The following NRG1 variants were observed in gnomAD, a reference collection of about 807,000 sequenced individuals.
NRG1 encodes pro-neuregulin-1, membrane-bound isoform.
Under a neutral mutation model 63.8 loss-of-function variants are expected in NRG1, and 18 were observed. The observed-to-expected ratio is 0.28, with a 90% CI of 0.19 to 0.42. The LOEUF is 0.42. NRG1 is among the 10% of genes least tolerant of loss of function. The probability of loss-of-function intolerance (pLI) is 1.00; values close to 1 mark genes in which losing one functional copy is unlikely to be tolerated. For missense variants in NRG1, 762 were observed against 814.7 expected, an observed-to-expected ratio of 0.94 and a Z score of 0.79; for synonymous variants, 302 against 301.3, an observed-to-expected ratio of 1.00 and a Z score of -0.02.
chr8:32,266,993 G>A (rs962651689), intron 1 of NRG1, among the ~76,000 whole-genome samples: 8 of 151,924 alleles, frequency 5.3e-5, no homozygotes, highest in African/African-American at 1.9e-4. Flanking sequence ...AGGTGGCAGT[G>A]AGCCAAGATT....
intron 1 of NRG1, among the ~76,000 whole-genome samples, chr8:32,265,880 C>T (rs1289725597): frequency 6.6e-6 from 1 of 151,948 alleles, no homozygotes; most frequent in Non-Finnish European, 1.5e-5. Context: ...TACAATATAA[C>T]AACTATTTAG....
chr8:31,774,510 G>T (rs1316134351), intron 1 of NRG1, among the ~76,000 whole-genome samples: 3 of 152,170 alleles, frequency 2.0e-5, no homozygotes, highest in Non-Finnish European at 4.4e-5. Flanking sequence ...TTGAATGGGT[G>T]AAAGAGAATA....
intron 1 of NRG1, among the ~76,000 whole-genome samples, chr8:31,668,257 G>T (rs1434203523): frequency 6.6e-6 from 1 of 152,174 alleles, no homozygotes; most frequent in Non-Finnish European, 1.5e-5. Flanking sequence ...TCCCAGATTG[G>T]CAATAATGGA....
At chr8:31,761,210 C>A (rs1482878152) in intron 1 of NRG1, among the ~76,000 whole-genome samples, 2 of 151,992 alleles carry the variant, frequency 1.3e-5, no homozygotes, top group Admixed American at 6.6e-5. Context: ...GGACAAAAAA[C>A]CAAACACCTC....
At chr8:32,156,032 C>A (rs977295477) in intron 1 of NRG1, among the ~76,000 whole-genome samples, 9 of 152,208 alleles carry the variant, frequency 5.9e-5, no homozygotes, top group African/African-American at 2.2e-4. Flanking sequence ...GGCAATGTCA[C>A]CCCACTGAAT....
chr8:32,548,441 A>AGGACGCGAGCCGCCAG lies in NRG1; in HGVS notation c.-285_-270dup, dbSNP rs1263070369. ...GTTGCGAGGGCGCCGGGCAGAGGCCAGGACGCGAGCCGCCAGCGGTGGGAC... is the reference window on the plus strand; with the variant it reads ...GTTGCGAGGGCGCCGGGCAGAGGCCAGGACGCGAGCCGCCAGGGACGCGAGCCGCCAGCGGTGGGAC... On this transcript the variant is annotated 5_prime_UTR_variant, in exon 1 of 12. Coordinates refer to ENST00000356819, the Ensembl canonical transcript of NRG1. 1.3e-4 allele frequency: 150 copies of AGGACGCGAGCCGCCAG among 1,148,026 alleles called. No individual in the cohort carries two copies. The Admixed American group carries it at 6.3e-3, about 48-fold the overall frequency. 71.1% of individuals were successfully genotyped at this position (1,148,026 alleles called of 1,614,324 possible). A position where few individuals can be genotyped will look rare whatever the true frequency, so the allele number is the denominator to read the frequency against.
At chr8:32,304,586 T>G (rs1476057233) in intron 1 of NRG1, among the ~76,000 whole-genome samples, 1 of 137,506 alleles carries the variant, frequency 7.3e-6, no homozygotes, top group African/African-American at 2.5e-5. Flanking sequence ...ATGAAAAGTA[T>G]TCTTAGTAAA....
intron 1 of NRG1, among the ~76,000 whole-genome samples, chr8:32,155,621 C>T (rs907533113): frequency 2.6e-5 from 4 of 152,160 alleles, no homozygotes; most frequent in Non-Finnish European, 5.9e-5. Context: ...TTATCAAACA[C>T]TGCATTGACG....
intron 1 of NRG1, among the ~76,000 whole-genome samples, chr8:32,028,278 G>A (rs1319827363): frequency 1.3e-5 from 2 of 152,094 alleles, no homozygotes; most frequent in Admixed American, 6.6e-5. Flanking sequence ...AACTTTAGGG[G>A]ACTAGGACTG....
At chr8:32,521,723 TTAGC>T (rs1830364354) in intron 1 of NRG1, among the ~76,000 whole-genome samples, 1 of 152,160 alleles carries the variant, frequency 6.6e-6, no homozygotes, top group Non-Finnish European at 1.5e-5. Flanking sequence ...AAAGAGAGTT[TTAGC>T]TATTCTTAAA....
At chr8:31,657,180 G>A (rs1268866770) in intron 1 of NRG1, among the ~76,000 whole-genome samples, 2 of 152,114 alleles carry the variant, frequency 1.3e-5, no homozygotes, top group African/African-American at 4.8e-5. Flanking sequence ...TATTTACTTT[G>A]GGTGCAATAA....
At chr8:32,270,285 G>C (rs1851411119) in intron 1 of NRG1, among the ~76,000 whole-genome samples, 1 of 152,222 alleles carries the variant, frequency 6.6e-6, no homozygotes, top group East Asian at 1.9e-4. Context: ...AAGCCGTCAA[G>C]GAGGGATCAG....
chr8:31,873,387 C>T (rs1470518580), intron 1 of NRG1, among the ~76,000 whole-genome samples: 1 of 152,002 alleles, frequency 6.6e-6, no homozygotes, highest in Non-Finnish European at 1.5e-5. Context: ...GGTGAAACCC[C>T]GTCTCTACTA....
chr8:31,902,452 A>G (rs753030264), intron 1 of NRG1, among the ~76,000 whole-genome samples: 1 of 152,176 alleles, frequency 6.6e-6, no homozygotes, highest in Non-Finnish European at 1.5e-5. Context: ...GTAATCAATA[A>G]TTATTTCTGC....
intron 1 of NRG1, among the ~76,000 whole-genome samples, chr8:31,795,315 C>A (rs1047012007): frequency 2.0e-5 from 3 of 152,090 alleles, no homozygotes; most frequent in African/African-American, 7.2e-5. Context: ...CAGACTTCTA[C>A]GTGTGCATAT....
rs199947683 is a variant in NRG1 at position 32,280,885 on chromosome 8, G to C, written c.38-314943G>C. Reference sequence around the variant, plus strand: ...TGCTATTCTCCTGCCTCAGCCTCCCGAGTAGCTGGGATTACAGGTGCCCAC... The same window carrying C: ...TGCTATTCTCCTGCCTCAGCCTCCCCAGTAGCTGGGATTACAGGTGCCCAC... On this transcript the variant is annotated intron_variant, in intron 1 of 10. Coordinates refer to the NRG1 transcript ENST00000519301. Among the ~76,000 whole-genome samples, 14 of 147,232 alleles carry C rather than the reference G, an allele frequency of 9.5e-5. No individual in the cohort carries two copies. The East Asian group carries it at 2.7e-3, about 28-fold the overall frequency.
intron 1 of NRG1, among the ~76,000 whole-genome samples, chr8:31,962,616 G>T (rs1805642599): frequency 6.6e-6 from 1 of 152,096 alleles, no homozygotes; most frequent in Non-Finnish European, 1.5e-5. Context: ...TACTTTTGCT[G>T]TCATTTAATG....
At position 31,825,401 on chromosome 8, in the gene NRG1, A is replaced by C. The variant is rs546373115; in HGVS notation, c.37+185970A>C. On this transcript the variant is annotated intron_variant, in intron 1 of 10. Transcript: ENST00000519301. ...AGACTCCATCTCAAAAAAAAAAAAA[A>C]GTATTTTATACTTAAGTTTTTCTAG... is the stretch of plus-strand genomic sequence containing the variant. Among the ~76,000 whole-genome samples, 8 of 152,184 alleles carry C rather than the reference A, an allele frequency of 5.3e-5. No individual in the cohort carries two copies. In the South Asian group the frequency reaches 1.7e-3, roughly 32 times the overall value.
chr8:32,756,305 C>T, intron 8 of NRG1, 98 bp from the exon 9 acceptor site: 1 of 1,392,654 alleles, frequency 7.2e-7, no homozygotes, highest in Non-Finnish European at 9.8e-7. Context: ...CAGTCTACTG[C>T]CTTGAACTAC....
Sources: allele counts gnomAD v4.1 joint callset (sites outside exome capture counted in the v4.1 genomes callset), GRCh38; gene constraint gnomAD v4.1.1; transcripts MANE v1.5; gene names NCBI Gene and HGNC (gene_info 2026-07-23, HGNC 2026-07-21).